MGARP: variants seen among roughly 807,000 people sequenced by gnomAD.
The protein encoded by MGARP is protein MGARP.
Under a neutral mutation model 11.0 loss-of-function variants are expected in MGARP, and 12 were observed. That is an observed-to-expected ratio of 1.09 (90% CI 0.70 to 1.77). The LOEUF (loss-of-function observed/expected upper bound fraction) is 1.77. MGARP is among the 40% of genes most tolerant of loss of function. MGARP has a pLI of 0.00. For synonymous variants in MGARP, 110 were observed against 115.4 expected (o/e 0.95, Z 0.30); for missense variants, 283 against 297.8 (o/e 0.95, Z 0.36).
At position 139,280,114 on chromosome 4, in the gene MGARP, C is replaced by G; in HGVS notation, c.45G>C (p.Leu15=). 6.2e-7 allele frequency: 1 copy of G among 1,612,064 alleles called. No homozygotes were observed. The highest frequency in any genetic ancestry group is 8.5e-7 in the Non-Finnish European group (1 of 1,179,760). The change falls in exon 1 of 4, where the codon CTG becomes CTC. Residue 15 remains leucine, a synonymous_variant. Coordinates refer to ENST00000398955, the MANE Select transcript of MGARP (RefSeq NM_032623.4). ...RAVSKTLALP[L]RAPPNPAPLG... ...GCGGCGCGGGGTTGGGGGGCGCCCT[C>G]AGCGGCAGCGCCAGAGTCTTGGAGA...
At chr4:139,277,291 C>T (rs751186689) in intron 1 of MGARP, among the ~76,000 whole-genome samples, 11 of 152,130 alleles carry the variant, frequency 7.2e-5, no homozygotes, top group Non-Finnish European at 1.5e-4. Flanking sequence ...AAAATCACAA[C>T]GATTTCCTGT....
At chr4:139,272,660 G>A (rs937352155) in intron 2 of MGARP, among the ~76,000 whole-genome samples, 1 of 147,688 alleles carries the variant, frequency 6.8e-6, no homozygotes, top group African/African-American at 2.5e-5. Context: ...TTCTAGTTAT[G>A]ACTAAACATC....
intron 1 of MGARP, 148 bp from the exon 2 acceptor site, chr4:139,275,540 G>T: frequency 1.6e-6 from 1 of 612,160 alleles, no homozygotes; most frequent in Non-Finnish European, 2.9e-6. Flanking sequence ...AGTATTACGA[G>T]GCTGGGTAAT....
chr4:139,280,135 GGAGACCGCCCTGCGGAGATACATCGC>G lies in MGARP; in HGVS notation c.-3_23del. On this transcript the variant is annotated start_lost and 5_prime_UTR_variant, in exon 1 of 4. Coordinates refer to ENST00000398955, the MANE Select transcript of MGARP (RefSeq NM_032623.4). ...CCCTCAGCGGCAGCGCCAGAGTCTT[GGAGACCGCCCTGCGGAGATACATCGC>G]GCCCGCTGTCCGCCGCGCAGCAGCC... 6.2e-7 allele frequency: 1 copy of G among 1,611,470 alleles called. No individual in the cohort carries two copies. Among genetic ancestry groups the G allele is most frequent in the Middle Eastern group, 1.7e-4 (1 of 6,046 alleles).
intron 1 of MGARP, among the ~76,000 whole-genome samples, chr4:139,279,622 C>A (rs1744925047): frequency 6.6e-6 from 1 of 152,156 alleles, no homozygotes; most frequent in African/African-American, 2.4e-5. Flanking sequence ...CGGGCCCGCT[C>A]GCTGATCGGC....
intron 2 of MGARP, among the ~76,000 whole-genome samples, chr4:139,274,157 G>C (rs1245731256): frequency 6.6e-6 from 1 of 152,088 alleles, no homozygotes; most frequent in Non-Finnish European, 1.5e-5. Context: ...TGAGTAGGTG[G>C]AGTAGAGGGA....
intron 1 of MGARP, among the ~76,000 whole-genome samples, chr4:139,276,249 A>G (rs1744871947): frequency 6.6e-6 from 1 of 152,190 alleles, no homozygotes; most frequent in African/African-American, 2.4e-5. Context: ...TAGAAGCATT[A>G]AGAATATAAC....
At chr4:139,267,207 T>A (rs568589842) in intron 3 of MGARP, among the ~76,000 whole-genome samples, 166 bp from the exon 4 acceptor site, 50 of 152,146 alleles carry the variant, frequency 3.3e-4, no homozygotes, top group Non-Finnish European at 5.4e-4. Flanking sequence ...ATGTATACAG[T>A]CTGCTACTAT....
intron 2 of MGARP, among the ~76,000 whole-genome samples, chr4:139,271,712 T>C (rs1221320053): frequency 6.6e-6 from 1 of 152,180 alleles, no homozygotes; most frequent in Admixed American, 6.6e-5. Context: ...TATACAGGTT[T>C]TGGAGTGCCT....
rs759845971 is a variant in MGARP at position 139,280,027 on chromosome 4, C to T, written c.82+50G>A. 4.4e-6 allele frequency: 7 copies of T among 1,595,458 alleles called. No individual in the cohort carries two copies. In the South Asian group the frequency reaches 7.8e-5, roughly 18 times the overall value. The stretch of plus-strand genomic sequence containing the variant: ...GCCGGTTCCCTGGCGCGGGCGAAAT[C>T]TGCACCCGAGGCGCCCGTCCTCCTC... On this transcript the variant is annotated intron_variant, in intron 1 of 3. Coordinates refer to ENST00000398955, the MANE Select transcript of MGARP (RefSeq NM_032623.4).
At chr4:139,272,929 A>T (rs1744808957) in intron 2 of MGARP, among the ~76,000 whole-genome samples, 1 of 151,722 alleles carries the variant, frequency 6.6e-6, no homozygotes, top group Non-Finnish European at 1.5e-5. Context: ...CTCGTGATCC[A>T]CCCACCTTGG....
intron 2 of MGARP, among the ~76,000 whole-genome samples, chr4:139,271,946 A>G (rs181971660): frequency 2.2e-4 from 33 of 152,214 alleles, no homozygotes; most frequent in African/African-American, 6.5e-4. Flanking sequence ...AGTCTGGCAA[A>G]GTTTGTTTTT....
chr4:139,273,105 TA>T (rs1208614303), intron 2 of MGARP, among the ~76,000 whole-genome samples: 22 of 152,180 alleles, frequency 1.4e-4, no homozygotes, highest in African/African-American at 5.3e-4. Flanking sequence ...GGGGTCCCGC[TA>T]TGTTGGCCAG....
intron 2 of MGARP, among the ~76,000 whole-genome samples, chr4:139,271,332 C>G (rs1283979774): frequency 6.6e-6 from 1 of 152,160 alleles, no homozygotes; most frequent in African/African-American, 2.4e-5. Flanking sequence ...TCGAGACCAG[C>G]CTGGCCAACA....
chr4:139,275,252 A>T (rs1244046969), intron 2 of MGARP, 37 bp downstream of exon 2: 2 of 1,546,754 alleles, frequency 1.3e-6, no homozygotes, highest in Non-Finnish European at 1.8e-6. Flanking sequence ...TGTAAAATAC[A>T]TGAATTCTTG....
At chr4:139,268,047 T>C (rs1376898078) in intron 3 of MGARP, among the ~76,000 whole-genome samples, 1 of 150,706 alleles carries the variant, frequency 6.6e-6, no homozygotes, top group African/African-American at 2.4e-5. Flanking sequence ...AGCCCAGGAG[T>C]TCAAGGCTGC....
Position 139,269,555 on chromosome 4 carries a change from C to T in MGARP, c.187-790G>A, listed in dbSNP as rs555465938. Among the ~76,000 whole-genome samples, 17 of 148,456 alleles carry T rather than the reference C, an allele frequency of 1.1e-4. No individual in the cohort carries two copies. The Middle Eastern group carries it at 0.018, about 155-fold the overall frequency. On this transcript the variant is annotated intron_variant, in intron 2 of 3. Coordinates refer to ENST00000398955, the MANE Select transcript of MGARP (RefSeq NM_032623.4). ...CTGAGGTGGGAGAATTGCTTGAACC[C>T]AGGAGGTGGAGGTTGCAGTGAGCCG...
chr4:139,278,131 G>A (rs1744899465), intron 1 of MGARP, among the ~76,000 whole-genome samples: 1 of 152,146 alleles, frequency 6.6e-6, no homozygotes. Context: ...GGAGGCTGAG[G>A]CAGGAGAATC....
intron 2 of MGARP, among the ~76,000 whole-genome samples, chr4:139,272,671 T>C (rs1417811218): frequency 1.3e-5 from 2 of 149,370 alleles, no homozygotes; most frequent in Non-Finnish European, 3.0e-5. Flanking sequence ...ACTAAACATC[T>C]CTTTATTCAT....
Sources: allele counts gnomAD v4.1 joint callset (sites outside exome capture counted in the v4.1 genomes callset), GRCh38; gene constraint gnomAD v4.1.1; transcripts MANE v1.5; gene names NCBI Gene and HGNC (gene_info 2026-07-23, HGNC 2026-07-21).